FBXW4: variants seen among roughly 807,000 people sequenced by gnomAD.
FBXW4 encodes the protein F-box/WD repeat-containing protein 4.
A neutral mutation model predicts 61.8 loss-of-function variants in FBXW4; 40 were observed. The ratio of observed to expected loss-of-function variants is 0.65; its 90% CI spans 0.50 to 0.84. FBXW4 has a LOEUF of 0.84. Among genes scored for constraint, FBXW4 ranks in the 40% least tolerant of loss-of-function variants. The probability of loss-of-function intolerance (pLI) is 0.00; values close to 1 mark genes in which losing one functional copy is unlikely to be tolerated. For synonymous variants in FBXW4, 311 were observed against 313.8 expected (o/e 0.99, Z 0.10); for missense variants, 672 against 753.8 (o/e 0.89, Z 1.27).
Position 101,667,934 on chromosome 10 carries a change from A to G in FBXW4, c.1187T>C (p.Ile396Thr). ...GGACCAGACTCGGTCTTCAGTCTGG[A>G]TGGTGTGTAAGCACTGCCCCAGCCG... ...SGRLGQCLHTIQTEDRVWSIA... is the reference protein window; with the variant it reads ...SGRLGQCLHTTQTEDRVWSIA... Residue 396 changes from isoleucine (I) to threonine (T), a missense_variant, in exon 5 of 9, where the codon ATC becomes ACC. Ile to Thr is a moderately conservative substitution (Grantham distance 89). Transcript: ENST00000331272. 1 of 1,614,158 alleles carries G rather than the reference A, an allele frequency of 6.2e-7. No homozygotes were observed. Among genetic ancestry groups the G allele is most frequent in the Non-Finnish European group, 8.5e-7 (1 of 1,180,010 alleles).
intron 4 of FBXW4, among the ~76,000 whole-genome samples, chr10:101,672,701 A>C (rs931667201): frequency 2.0e-5 from 3 of 152,156 alleles, no homozygotes; most frequent in Non-Finnish European, 2.9e-5. Flanking sequence ...CAACCTTCCC[A>C]GCCACTGTCC....
chr10:101,680,669 A>G (rs2064465683), intron 1 of FBXW4, among the ~76,000 whole-genome samples: 1 of 152,252 alleles, frequency 6.6e-6, no homozygotes, highest in African/African-American at 2.4e-5. Context: ...GAAAAAACTG[A>G]CACTAGCTTT....
rs1367800966 is a variant in FBXW4 at position 101,640,478 on chromosome 10, CTT to C, written c.1236-15670_1236-15669del. On this transcript the variant is annotated intron_variant, in intron 5 of 8. Coordinates refer to ENST00000331272, the MANE Select transcript of FBXW4 (RefSeq NM_022039.4). Reference sequence around the variant, plus strand: ...CCATTTTCTTTTCTTTTCTTTCTTTCTTTCTCTTTTTTTTTTTTTTTTTTTTT... The same window carrying C: ...CCATTTTCTTTTCTTTTCTTTCTTTCTCTCTTTTTTTTTTTTTTTTTTTTT... 3.6e-4 allele frequency among the ~76,000 whole-genome samples: 40 copies of C among 110,248 alleles called. 1 individual carries two copies. Among genetic ancestry groups the C allele is most frequent in the African/African-American group, 1.1e-3 (33 of 31,156 alleles). 72.3% of individuals were successfully genotyped at this position (110,248 alleles called of 152,430 possible). A position where few individuals can be genotyped will look rare whatever the true frequency, so the allele number is the denominator to read the frequency against.
intron 1 of FBXW4, among the ~76,000 whole-genome samples, chr10:101,680,121 ATGC>A (rs2064458806): frequency 6.6e-6 from 1 of 152,216 alleles, no homozygotes; most frequent in African/African-American, 2.4e-5. Flanking sequence ...GTAATAATAA[ATGC>A]TGTTGATAAA....
chr10:101,615,692 GACATTT>G (rs1240550806), intron 6 of FBXW4, among the ~76,000 whole-genome samples: 2 of 152,130 alleles, frequency 1.3e-5, no homozygotes, highest in African/African-American at 4.8e-5. Flanking sequence ...AGAGAGGAGG[GACATTT>G]ACATGAAATG....
In FBXW4 at chr10:101,694,819, C is replaced by T; in HGVS notation, c.287G>A (p.Arg96Lys). ...EGGRSVEEGARGIVKGVEGSA... is the reference protein window; with the variant it reads ...EGGRSVEEGAKGIVKGVEGSA... ...CCCCTCGACTCCCTTGACGATGCCT[C>T]TCGCCCCTTCCTCCACGCTTCTGCC... The change falls in exon 1 of 9, where the codon AGA becomes AAA. Residue 96 changes from arginine (R) to lysine (K), a missense_variant. Physicochemically the swap from Arg to Lys is conservative, Grantham distance 26 (BLOSUM62 2). Around this residue, in one of 5 missense-constraint regions of FBXW4, gnomAD observed 311 missense variants for 301.1 expected, o/e 1.03. Transcript: ENST00000331272. This position sits in a 1 kb window ranked among gnomAD's most constrained non-coding sequence, Gnocchi z 6.0. The T allele has an allele frequency of 7.6e-7, 1 of 1,312,970 alleles. No homozygotes were observed. The highest frequency in any genetic ancestry group is 2.2e-5 in the South Asian group (1 of 45,564). 81.3% of individuals were successfully genotyped at this position (1,312,970 alleles called of 1,614,324 possible). A position where few individuals can be genotyped will look rare whatever the true frequency, so the allele number is the denominator to read the frequency against.
intron 5 of FBXW4, among the ~76,000 whole-genome samples, chr10:101,645,769 A>C (rs1056161202): frequency 6.6e-6 from 1 of 152,196 alleles, no homozygotes; most frequent in Non-Finnish European, 1.5e-5. Context: ...ACAATTCAAG[A>C]TAATCAACAA....
intron 5 of FBXW4, among the ~76,000 whole-genome samples, chr10:101,641,197 C>A (rs923395337): frequency 1.3e-5 from 2 of 152,042 alleles, no homozygotes; most frequent in Admixed American, 6.5e-5. Flanking sequence ...ATATATTTTC[C>A]ACGTATTCAT....
chr10:101,669,375 A>G (rs539649564), intron 4 of FBXW4, among the ~76,000 whole-genome samples: 1 of 152,322 alleles, frequency 6.6e-6, no homozygotes, highest in Admixed American at 6.5e-5. Context: ...TTTCCCTGAC[A>G]CAAACTCCCT....
At chr10:101,640,538 C>A (rs2064042746) in intron 5 of FBXW4, among the ~76,000 whole-genome samples, 1 of 121,946 alleles carries the variant, frequency 8.2e-6, no homozygotes, top group Non-Finnish European at 1.6e-5. Context: ...GTTGCCCAGG[C>A]TGGAGTGCAG....
chr10:101,614,474 C>T (rs748587409), intron 6 of FBXW4, among the ~76,000 whole-genome samples: 1 of 152,122 alleles, frequency 6.6e-6, no homozygotes, highest in Non-Finnish European at 1.5e-5. Context: ...AATGTCATGG[C>T]CGTAAGTATC....
intron 5 of FBXW4, among the ~76,000 whole-genome samples, chr10:101,635,449 GA>G (rs201433484): frequency 0.089 from 13,409 of 150,944 alleles, 676 homozygotes; most frequent in African/African-American, 0.14. Flanking sequence ...TGGAAAAATT[GA>G]AAACTGTCTT....
At chr10:101,691,877 T>G (rs1191217992) in intron 1 of FBXW4, among the ~76,000 whole-genome samples, 1 of 152,164 alleles carries the variant, frequency 6.6e-6, no homozygotes, top group Non-Finnish European at 1.5e-5. Context: ...ACAATCATCC[T>G]AGAATAAAAA....
intron 1 of FBXW4, among the ~76,000 whole-genome samples, chr10:101,685,871 C>T (rs1232684799): frequency 6.6e-6 from 1 of 152,178 alleles, no homozygotes; most frequent in Non-Finnish European, 1.5e-5. Flanking sequence ...ATGGTCCTCC[C>T]TTTGGCAAGT....
intron 1 of FBXW4, among the ~76,000 whole-genome samples, chr10:101,680,657 T>A (rs924586276): frequency 6.6e-6 from 1 of 152,196 alleles, no homozygotes; most frequent in African/African-American, 2.4e-5. Context: ...ATCTATTAAG[T>A]AGAAAAAACT....
At chr10:101,636,621 C>T (rs1238745664) in intron 5 of FBXW4, among the ~76,000 whole-genome samples, 1 of 147,546 alleles carries the variant, frequency 6.8e-6, no homozygotes, top group Non-Finnish European at 1.5e-5. Flanking sequence ...GAGTCTCGCT[C>T]TTGTTGCCCA....
intron 5 of FBXW4, among the ~76,000 whole-genome samples, chr10:101,650,567 G>A (rs571652395): frequency 6.6e-6 from 1 of 152,312 alleles, no homozygotes; most frequent in East Asian, 1.9e-4. Context: ...CCCCCCTCAA[G>A]GGGTGGTGGG....
At chr10:101,679,672 T>C (rs2134905551) in intron 1 of FBXW4, among the ~76,000 whole-genome samples, 1 of 152,288 alleles carries the variant, frequency 6.6e-6, no homozygotes, top group South Asian at 2.1e-4. Flanking sequence ...ATAGTCAACT[T>C]TGGGTGTTTT....
At chr10:101,692,821 A>AT (rs1190926868) in intron 1 of FBXW4, among the ~76,000 whole-genome samples, 2 of 152,082 alleles carry the variant, frequency 1.3e-5, no homozygotes, top group Non-Finnish European at 2.9e-5. Context: ...CTGTGGAGGA[A>AT]TTATAAATTT....
Sources: gnomAD v4.1 joint callset for allele counts (sites outside exome capture counted in the v4.1 genomes callset) on GRCh38, gnomAD v4.1.1 for gene constraint, gnomAD v4.1.1 regional missense constraint, Gnocchi (gnomAD v3.1) non-coding constraint, MANE v1.5 for transcripts, NCBI Gene and HGNC (gene_info 2026-07-23, HGNC 2026-07-21) for gene names.